CSMD1: variants seen among roughly 807,000 people sequenced by gnomAD.
CSMD1 encodes the protein CUB and sushi domain-containing protein 1.
Under a neutral mutation model 417.5 loss-of-function variants are expected in CSMD1, and 213 were observed. The observed-to-expected ratio is 0.51, with a 90% confidence interval of 0.46 to 0.57. The LOEUF is 0.57. Among genes scored for constraint, CSMD1 ranks in the 20% least tolerant of loss-of-function variants. The pLI, the probability that CSMD1 is intolerant of heterozygous loss-of-function variation, is 0.00. For synonymous variants in CSMD1, 2,862 were observed against 1,736.8 expected, an observed-to-expected ratio of 1.65 and a Z score of -16.11; for missense variants, 6,923 against 4,529.7, an observed-to-expected ratio of 1.53 and a Z score of -15.17.
chr8:3,520,012 G>GTGTATACATATATATATATATATA (rs1225105460), intron 10 of CSMD1, among the ~76,000 whole-genome samples: 54 of 120,110 alleles, frequency 4.5e-4, no homozygotes, highest in South Asian at 3.0e-3. Flanking sequence ...GTGTGTGTGT[G>GTGTATACATATATATATATATATA]TATATACCTA....
intron 30 of CSMD1, among the ~76,000 whole-genome samples, chr8:3,206,048 A>C (rs554227919): frequency 6.6e-6 from 1 of 152,286 alleles, no homozygotes; most frequent in African/African-American, 2.4e-5. Flanking sequence ...CAAAGGAAAA[A>C]TGTTTTGTTT....
At chr8:3,312,926 C>T (rs1356462556) in intron 23 of CSMD1, among the ~76,000 whole-genome samples, 1 of 152,168 alleles carries the variant, frequency 6.6e-6, no homozygotes, top group Admixed American at 6.5e-5. Context: ...AAGTACATTT[C>T]AATTGAGCTT....
intron 7 of CSMD1, among the ~76,000 whole-genome samples, chr8:3,651,502 T>C (rs1034074121): frequency 6.6e-6 from 1 of 152,156 alleles, no homozygotes; most frequent in African/African-American, 2.4e-5. Context: ...CTTATCTGCA[T>C]AGCTGGCCTC....
At chr8:3,483,575 T>C (rs535083132) in intron 11 of CSMD1, among the ~76,000 whole-genome samples, 12 of 152,066 alleles carry the variant, frequency 7.9e-5, no homozygotes, top group Non-Finnish European at 1.6e-4. Context: ...CAAGATTTCA[T>C]AAACTCTTGC....
At chr8:3,223,932 G>A in intron 27 of CSMD1, 65 bp from the exon 28 acceptor site, 1 of 1,510,468 alleles carries the variant, frequency 6.6e-7, no homozygotes, top group Non-Finnish European at 9.1e-7. Flanking sequence ...CAGTCAGTGT[G>A]GAAGGAGACA....
intron 5 of CSMD1, among the ~76,000 whole-genome samples, chr8:3,920,139 T>C (rs143111978): frequency 1.4e-3 from 213 of 152,234 alleles, no homozygotes; most frequent in Non-Finnish European, 2.6e-3. Flanking sequence ...ACTCAGGTGA[T>C]CTTCCTGCCT....
At chr8:3,264,051 C>T (rs192568067) in intron 26 of CSMD1, among the ~76,000 whole-genome samples, 158 of 152,106 alleles carry the variant, frequency 1.0e-3, no homozygotes, top group African/African-American at 3.1e-3. Flanking sequence ...AACAATGAAA[C>T]GAAATTTGAA....
chr8:4,395,482 A>T (rs1177600908), intron 3 of CSMD1, among the ~76,000 whole-genome samples: 1 of 151,986 alleles, frequency 6.6e-6, no homozygotes, highest in Non-Finnish European at 1.5e-5. Flanking sequence ...TTCGATGAAG[A>T]ATACAAATCT....
chr8:3,225,780 TG>T lies in CSMD1; in HGVS notation c.4346-1914del, dbSNP rs571426390. Reference sequence around the variant, plus strand: ...AAAAGTGGAATTAAGGAGTGCTGCCTGGCCCTGTTTGTTCTCTCTTTTGGTC... The same window carrying T: ...AAAAGTGGAATTAAGGAGTGCTGCCTGCCCTGTTTGTTCTCTCTTTTGGTC... On this transcript the variant is annotated intron_variant, in intron 27 of 69. Transcript: ENST00000635120. Among the ~76,000 whole-genome samples, 294 of 152,372 alleles carry T rather than the reference TG, an allele frequency of 1.9e-3. 2 individuals carry two copies. Among genetic ancestry groups the T allele is most frequent in the African/African-American group, 6.8e-3 (283 of 41,588 alleles).
At chr8:3,649,908 G>C (rs374877850) in intron 7 of CSMD1, among the ~76,000 whole-genome samples, 7 of 152,056 alleles carry the variant, frequency 4.6e-5, no homozygotes, top group East Asian at 1.9e-4. Context: ...CCAGAGCTTT[G>C]TGCATGGTAT....
chr8:3,920,797 C>T (rs902517844), intron 5 of CSMD1, among the ~76,000 whole-genome samples: 3 of 152,086 alleles, frequency 2.0e-5, no homozygotes, highest in Non-Finnish European at 2.9e-5. Flanking sequence ...TATGTTAAAA[C>T]AACCTTGCAT....
At chr8:3,954,849 C>A (rs867516683) in intron 5 of CSMD1, among the ~76,000 whole-genome samples, 1 of 152,208 alleles carries the variant, frequency 6.6e-6, no homozygotes, top group Non-Finnish European at 1.5e-5. Flanking sequence ...GAGTTACATG[C>A]ATGTGCATTG....
At position 2,942,580 on chromosome 8, in the gene CSMD1, G is replaced by C. The variant is rs1411190763; in HGVS notation, c.10427C>G (p.Ser3476Cys). ...RQDPLNPDQD[S>C]SSHYHGTSSG... ...GCTGGTGCCGTGGTAATGACTGGAA[G>C]AGTCTTGATCTGGGTTTAAAGGATC... is the stretch of plus-strand genomic sequence containing the variant. Residue 3476 changes from serine to cysteine, a missense_variant, in exon 69 of 70, where the codon TCT becomes TGT. Coordinates refer to ENST00000635120, the MANE Select transcript of CSMD1 (RefSeq NM_033225.6). 4 of 1,599,168 alleles carry C rather than the reference G, an allele frequency of 2.5e-6. No individual in the cohort carries two copies. Among genetic ancestry groups the C allele is most frequent in the Non-Finnish European group, 3.4e-6 (4 of 1,172,036 alleles).
intron 3 of CSMD1, among the ~76,000 whole-genome samples, chr8:4,256,767 C>CTCAAGCAGCTTGCAACAGGG (rs1803486886): frequency 6.6e-6 from 1 of 152,154 alleles, no homozygotes; most frequent in South Asian, 2.1e-4. Context: ...GTGCCCTGCT[C>CTCAAGCAGCTTGCAACAGGG]TCAAGCAGCT....
chr8:3,224,890 C>A (rs536478158), intron 27 of CSMD1, among the ~76,000 whole-genome samples: 1 of 152,306 alleles, frequency 6.6e-6, no homozygotes, highest in Non-Finnish European at 1.5e-5. Context: ...ATTTTAGATA[C>A]ATACAAGACT....
At position 4,870,404 on chromosome 8, in the gene CSMD1, C is replaced by T. The variant is rs552257641; in HGVS notation, c.85+123928G>A. Among the ~76,000 whole-genome samples, 231 of 152,222 alleles carry T rather than the reference C, an allele frequency of 1.5e-3. 1 individual carries two copies. Among genetic ancestry groups the T allele is most frequent in the Non-Finnish European group, 2.7e-3 (184 of 68,032 alleles). On this transcript the variant is annotated intron_variant, in intron 1 of 69. Transcript: ENST00000635120. Reference sequence around the variant, plus strand: ...TCAGAAACCCTTCAACAGAGCTAGACCTCAATTTTCTTAAAGGATGCATAG... The same window carrying T: ...TCAGAAACCCTTCAACAGAGCTAGATCTCAATTTTCTTAAAGGATGCATAG...
At chr8:3,832,089 G>A (rs1177611400) in intron 5 of CSMD1, among the ~76,000 whole-genome samples, 3 of 152,190 alleles carry the variant, frequency 2.0e-5, no homozygotes, top group East Asian at 1.9e-4. Flanking sequence ...TCTCATGTGT[G>A]GAATCCTGCC....
chr8:4,669,071 A>C (rs1297032516), intron 1 of CSMD1, among the ~76,000 whole-genome samples: 1 of 152,056 alleles, frequency 6.6e-6, no homozygotes, highest in East Asian at 1.9e-4. Context: ...CACAGCTCTT[A>C]ATTTTTACAG....
At chr8:4,906,949 C>A (rs562487955) in intron 1 of CSMD1, among the ~76,000 whole-genome samples, 2 of 152,150 alleles carry the variant, frequency 1.3e-5, no homozygotes, top group African/African-American at 4.8e-5. Context: ...ATTAGTCTTT[C>A]CTAAATGACT....
Sources: allele counts gnomAD v4.1 joint callset (sites outside exome capture counted in the v4.1 genomes callset), GRCh38; gene constraint gnomAD v4.1.1; transcripts MANE v1.5; gene names NCBI Gene and HGNC (gene_info 2026-07-23, HGNC 2026-07-21).